PRKD1: variants seen among roughly 807,000 people sequenced by gnomAD.
PRKD1 encodes the protein serine/threonine-protein kinase D1.
A neutral mutation model predicts 95.9 loss-of-function variants in PRKD1; 63 were observed. That is an observed-to-expected ratio of 0.66 (90% CI 0.54 to 0.81). PRKD1 has a LOEUF of 0.81. PRKD1 is among the 30% of genes least tolerant of loss of function. The probability of loss-of-function intolerance (pLI) is 0.00; values close to 1 mark genes in which losing one functional copy is unlikely to be tolerated. For synonymous variants in PRKD1, 425 were observed against 423.1 expected, an observed-to-expected ratio of 1.00 and a Z score of -0.05; for missense variants, 1,048 against 1,165.3, an observed-to-expected ratio of 0.90 and a Z score of 1.47.
chr14:29,586,180 G>T (rs899591439), intron 16 of PRKD1, among the ~76,000 whole-genome samples: 33 of 152,300 alleles, frequency 2.2e-4, no homozygotes, highest in African/African-American at 7.5e-4. Flanking sequence ...TCCTTGAATA[G>T]ATGGACATAA....
chr14:29,670,033 C>T (rs1882751773), intron 2 of PRKD1, among the ~76,000 whole-genome samples: 1 of 152,024 alleles, frequency 6.6e-6, no homozygotes, highest in Non-Finnish European at 1.5e-5. Context: ...TTATTGAGGC[C>T]CCAATACACT....
chr14:29,894,650 G>A (rs1187086871), intron 1 of PRKD1, among the ~76,000 whole-genome samples: 5 of 152,220 alleles, frequency 3.3e-5, no homozygotes, highest in African/African-American at 1.2e-4. Flanking sequence ...GTTAACAGTG[G>A]AGATGGAGAG....
intron 1 of PRKD1, among the ~76,000 whole-genome samples, chr14:29,912,402 G>A (rs1894747638): frequency 6.6e-6 from 1 of 152,150 alleles, no homozygotes; most frequent in South Asian, 2.1e-4. Context: ...TCCTTTTCAA[G>A]TGGCTTTTGT....
intron 4 of PRKD1, among the ~76,000 whole-genome samples, chr14:29,649,451 G>A (rs951069439): frequency 3.4e-5 from 5 of 149,128 alleles, no homozygotes; most frequent in Admixed American, 3.3e-4. Flanking sequence ...TTTTAATTTT[G>A]TGTTTACTGG....
intron 1 of PRKD1, among the ~76,000 whole-genome samples, chr14:29,894,414 G>C (rs1010557342): frequency 6.6e-6 from 1 of 152,236 alleles, no homozygotes; most frequent in Non-Finnish European, 1.5e-5. Flanking sequence ...AGCCAAAGGA[G>C]TTCCAGGGTT....
At chr14:29,706,231 T>C (rs1020958999) in intron 2 of PRKD1, among the ~76,000 whole-genome samples, 10 of 152,168 alleles carry the variant, frequency 6.6e-5, no homozygotes, top group South Asian at 2.1e-4. Context: ...TTACTGGTCA[T>C]ATGTGTATCT....
chr14:29,755,296 T>G (rs1055981694), intron 1 of PRKD1, among the ~76,000 whole-genome samples: 2 of 152,178 alleles, frequency 1.3e-5, no homozygotes, highest in African/African-American at 4.8e-5. Flanking sequence ...CTACTACTTT[T>G]TTCTTGTTTC....
At chr14:29,885,410 C>G (rs1484408743) in intron 1 of PRKD1, among the ~76,000 whole-genome samples, 1 of 151,886 alleles carries the variant, frequency 6.6e-6, no homozygotes, top group East Asian at 1.9e-4. Context: ...TCCTACTTAT[C>G]CAGAAAATAC....
chr14:29,704,151 G>GA (rs1261052884), intron 2 of PRKD1, among the ~76,000 whole-genome samples: 2 of 152,134 alleles, frequency 1.3e-5, no homozygotes, highest in Non-Finnish European at 2.9e-5. Context: ...ATCTAGTGAA[G>GA]AGACAGTCAT....
chr14:29,920,378 G>A (rs900856513), intron 1 of PRKD1, among the ~76,000 whole-genome samples: 3 of 151,982 alleles, frequency 2.0e-5, no homozygotes, highest in Non-Finnish European at 4.4e-5. Flanking sequence ...AGGTGATGGC[G>A]CAAGGTCAGA....
intron 1 of PRKD1, among the ~76,000 whole-genome samples, chr14:29,753,962 T>A (rs1887589682): frequency 6.6e-6 from 1 of 152,218 alleles, no homozygotes; most frequent in Non-Finnish European, 1.5e-5. Flanking sequence ...GCAAAAGGGC[T>A]GAGTTACAGT....
At chr14:29,905,560 A>T (rs1232606258) in intron 1 of PRKD1, among the ~76,000 whole-genome samples, 2 of 152,208 alleles carry the variant, frequency 1.3e-5, no homozygotes, top group Non-Finnish European at 2.9e-5. Flanking sequence ...TCTTTAATAA[A>T]ATCTTGCCAG....
intron 1 of PRKD1, among the ~76,000 whole-genome samples, chr14:29,810,870 T>C (rs1280970456): frequency 1.3e-5 from 2 of 152,244 alleles, no homozygotes; most frequent in Non-Finnish European, 2.9e-5. Context: ...GCCATTTCCT[T>C]GAGGCAAAAT....
At chr14:29,756,135 C>A (rs768250336) in intron 1 of PRKD1, among the ~76,000 whole-genome samples, 21 of 152,074 alleles carry the variant, frequency 1.4e-4, no homozygotes, top group Non-Finnish European at 2.5e-4. Context: ...ACTCTCAATA[C>A]CCCCATTGAG....
chr14:29,863,998 A>G (rs1046962470), intron 1 of PRKD1, among the ~76,000 whole-genome samples: 4 of 152,134 alleles, frequency 2.6e-5, no homozygotes, highest in Non-Finnish European at 5.9e-5. Flanking sequence ...AAACAGTATG[A>G]TATTGTGTGC....
At chr14:29,886,407 G>A (rs976894110) in intron 1 of PRKD1, among the ~76,000 whole-genome samples, 1 of 152,162 alleles carries the variant, frequency 6.6e-6, no homozygotes, top group Admixed American at 6.5e-5. Flanking sequence ...GATCCAGGTA[G>A]AACATGAGAA....
chr14:29,673,863 G>A (rs1883005491), intron 2 of PRKD1, among the ~76,000 whole-genome samples: 1 of 152,184 alleles, frequency 6.6e-6, no homozygotes, highest in Non-Finnish European at 1.5e-5. Context: ...TGTCAGTAGT[G>A]ATAAAATGCA....
intron 1 of PRKD1, among the ~76,000 whole-genome samples, chr14:29,834,292 A>G (rs1035018731): frequency 2.0e-5 from 3 of 151,972 alleles, no homozygotes; most frequent in Admixed American, 2.0e-4. Context: ...CCATTGATCT[A>G]CTTTGTTTGT....
chr14:29,839,284 T>G (rs992025937), intron 1 of PRKD1, among the ~76,000 whole-genome samples: 5 of 152,198 alleles, frequency 3.3e-5, no homozygotes, highest in Non-Finnish European at 7.3e-5. Context: ...GCAGAGCTTT[T>G]GATGGAAATT....
Sources: gnomAD v4.1 joint callset for allele counts (sites outside exome capture counted in the v4.1 genomes callset) on GRCh38, gnomAD v4.1.1 for gene constraint, MANE v1.5 for transcripts, NCBI Gene and HGNC (gene_info 2026-07-23, HGNC 2026-07-21) for gene names.